Variants in RAB11FIP4 observed in about 807,000 individuals in gnomAD.
The protein encoded by RAB11FIP4 is RAB11 family interacting protein 4.
In RAB11FIP4, 23 loss-of-function variants were observed where a neutral mutation model predicts 74.3. That is an observed-to-expected ratio of 0.31 (90% CI 0.22 to 0.44). RAB11FIP4 has a LOEUF of 0.44. RAB11FIP4 is among the 20% of genes least tolerant of loss of function. The pLI is 1.00. For synonymous variants in RAB11FIP4, 360 were observed against 359.9 expected (o/e 1.00, Z 0.00); for missense variants, 630 against 863.9 (o/e 0.73, Z 3.39).
Position 31,531,861 on chromosome 17 carries a change from G to A in RAB11FIP4, c.*129G>A, listed in dbSNP as rs2072877420. 8 of 691,042 alleles carry A rather than the reference G, an allele frequency of 1.2e-5. No homozygotes were observed. The highest frequency in any genetic ancestry group is 1.8e-5 in the Non-Finnish European group (7 of 389,138). The allele number at this position is 691,042 out of a possible 1,614,324, so 42.8% of individuals were successfully genotyped here. A position where few individuals can be genotyped will look rare whatever the true frequency, so the allele number is the denominator to read the frequency against. Reference sequence around the variant, plus strand: ...TCTCTCTGGCCACCATGCGTTACGTGTACCCGTGTATATGTGGGGAGGCTG... The same window carrying A: ...TCTCTCTGGCCACCATGCGTTACGTATACCCGTGTATATGTGGGGAGGCTG... On this transcript the variant is annotated 3_prime_UTR_variant, in exon 15 of 15. Transcript: ENST00000621161.
chr17:31,512,156 C>T lies in RAB11FIP4; in HGVS notation c.337-5495C>T, dbSNP rs2072463460. Among the ~76,000 whole-genome samples, 1 of 152,180 alleles carries T rather than the reference C, an allele frequency of 6.6e-6. No homozygotes were observed. Among genetic ancestry groups the T allele is most frequent in the South Asian group, 2.1e-4 (1 of 4,828 alleles). On this transcript the variant is annotated intron_variant, in intron 3 of 14. Transcript: ENST00000621161. The surrounding 1 kb of genome is among the most constrained non-coding windows in gnomAD (Gnocchi z 4.1). ...ACATTGCTGGCTGACCAGCCGGGGA[C>T]CCATGGCTGTAGGAATAGCTCACCC... is the stretch of plus-strand genomic sequence containing the variant.
intron 1 of RAB11FIP4, among the ~76,000 whole-genome samples, chr17:31,412,930 G>A (rs937242031): frequency 1.3e-5 from 2 of 152,180 alleles, no homozygotes; most frequent in African/African-American, 4.8e-5. Flanking sequence ...GGGCCTCATG[G>A]TACGTTTGAA....
At chr17:31,463,407 G>T (rs1041684523) in intron 3 of RAB11FIP4, among the ~76,000 whole-genome samples, 2 of 152,188 alleles carry the variant, frequency 1.3e-5, no homozygotes, top group Admixed American at 6.5e-5. Context: ...GTGGGCACTA[G>T]ATCAGAGTTA....
chr17:31,455,793 A>T (rs2071573896), intron 3 of RAB11FIP4, among the ~76,000 whole-genome samples: 1 of 152,180 alleles, frequency 6.6e-6, no homozygotes, highest in South Asian at 2.1e-4. Flanking sequence ...ACTTTAATCT[A>T]GGCTGAAGGG....
At chr17:31,398,689 C>T (rs976980277) in intron 1 of RAB11FIP4, among the ~76,000 whole-genome samples, 1 of 152,222 alleles carries the variant, frequency 6.6e-6, no homozygotes, top group Non-Finnish European at 1.5e-5. Context: ...GGACAGGCAG[C>T]GTGGCTTTCA....
intron 3 of RAB11FIP4, among the ~76,000 whole-genome samples, chr17:31,451,469 A>G (rs1314504336): frequency 6.6e-6 from 1 of 151,774 alleles, no homozygotes; most frequent in East Asian, 1.9e-4. Context: ...AAAAAAAAAA[A>G]AAAAAAAAAA....
At chr17:31,497,755 C>T (rs1478716591) in intron 3 of RAB11FIP4, among the ~76,000 whole-genome samples, 3 of 152,074 alleles carry the variant, frequency 2.0e-5, no homozygotes, top group African/African-American at 7.2e-5. Context: ...TGACAGTGGC[C>T]CCCAAGCAGG....
intron 3 of RAB11FIP4, among the ~76,000 whole-genome samples, chr17:31,494,996 G>C (rs1471473598): frequency 6.6e-6 from 1 of 152,240 alleles, no homozygotes; most frequent in Non-Finnish European, 1.5e-5. Flanking sequence ...CCAAGGGGAG[G>C]ATGGCCCTCC....
chr17:31,477,619 C>G (rs574809409), intron 3 of RAB11FIP4, among the ~76,000 whole-genome samples: 1 of 152,238 alleles, frequency 6.6e-6, no homozygotes, highest in Non-Finnish European at 1.5e-5. Context: ...AGCACTAGGT[C>G]TGGCCTGCGG....
At chr17:31,489,694 C>T (rs2071969749) in intron 3 of RAB11FIP4, among the ~76,000 whole-genome samples, 1 of 152,198 alleles carries the variant, frequency 6.6e-6, no homozygotes, top group South Asian at 2.1e-4. Flanking sequence ...TGCAAGTTGC[C>T]TGCAGTTGTC....
At chr17:31,402,197 C>CCATG (rs1555541135) in intron 1 of RAB11FIP4, among the ~76,000 whole-genome samples, 3 of 52,260 alleles carry the variant, frequency 5.7e-5, no homozygotes, top group South Asian at 1.2e-3. Context: ...ATGCATCCAT[C>CCATG]CATCCATCCA....
intron 1 of RAB11FIP4, among the ~76,000 whole-genome samples, chr17:31,427,117 G>A (rs749452657): frequency 6.6e-6 from 1 of 151,984 alleles, no homozygotes. Context: ...ACATGACCAC[G>A]CCTGGCTAAT....
At chr17:31,456,390 A>G (rs1030700889) in intron 3 of RAB11FIP4, among the ~76,000 whole-genome samples, 1 of 152,128 alleles carries the variant, frequency 6.6e-6, no homozygotes, top group African/African-American at 2.4e-5. Context: ...TATTTTTTGT[A>G]GAGACGGGCT....
chr17:31,493,405 C>A lies in RAB11FIP4; in HGVS notation c.337-24246C>A, dbSNP rs189670867. Reference sequence around the variant, plus strand: ...GTCATCTGTGGTCACCCCCCACCCCCCTGCGCTGTGCAAGCCTGATACCAT... The same window carrying A: ...GTCATCTGTGGTCACCCCCCACCCCACTGCGCTGTGCAAGCCTGATACCAT... On this transcript the variant is annotated intron_variant, in intron 3 of 14. Coordinates refer to ENST00000621161, the MANE Select transcript of RAB11FIP4 (RefSeq NM_032932.6). 1.1e-3 allele frequency among the ~76,000 whole-genome samples: 166 copies of A among 152,092 alleles called. 4 individuals carry two copies. The East Asian group carries it at 0.026, about 24-fold the overall frequency.
chr17:31,431,555 C>CG, intron 1 of RAB11FIP4: 1 of 430,182 alleles, frequency 2.3e-6, no homozygotes. Flanking sequence ...GAAGGAGGCT[C>CG]GGCCCCTGAA....
intron 3 of RAB11FIP4, among the ~76,000 whole-genome samples, chr17:31,505,659 AATT>A (rs2072332082): frequency 1.3e-5 from 1 of 77,652 alleles, no homozygotes; most frequent in South Asian, 2.9e-4. Context: ...AATATATAAT[AATT>A]ATATAATACA....
intron 2 of RAB11FIP4, among the ~76,000 whole-genome samples, chr17:31,432,510 C>T (rs2071320885): frequency 6.6e-6 from 1 of 152,126 alleles, no homozygotes; most frequent in Non-Finnish European, 1.5e-5. Flanking sequence ...AGGAGGTACA[C>T]CACCATGCCT....
chr17:31,392,050 AG>A, intron 1 of RAB11FIP4, 39 bp downstream of exon 1: 1 of 1,205,196 alleles, frequency 8.3e-7, no homozygotes, highest in Non-Finnish European at 1.0e-6. Flanking sequence ...CGGGGACCCC[AG>A]CCCAGCCCCG....
At chr17:31,411,669 C>T (rs542947354) in intron 1 of RAB11FIP4, among the ~76,000 whole-genome samples, 1 of 152,338 alleles carries the variant, frequency 6.6e-6, no homozygotes, top group African/African-American at 2.4e-5. Flanking sequence ...TGGATGAGGC[C>T]TCTTGCCTCC....
Sources: gnomAD v4.1 joint callset for allele counts (sites outside exome capture counted in the v4.1 genomes callset) on GRCh38, gnomAD v4.1.1 for gene constraint, Gnocchi (gnomAD v3.1) non-coding constraint, MANE v1.5 for transcripts, NCBI Gene and HGNC (gene_info 2026-07-23, HGNC 2026-07-21) for gene names.